The following ESRRB variants were observed in gnomAD, a reference collection of about 807,000 sequenced individuals.
The protein encoded by ESRRB is steroid hormone receptor ERR2.
A neutral mutation model predicts 46.0 loss-of-function variants in ESRRB; 16 were observed. The observed-to-expected ratio is 0.35, with a 90% CI of 0.24 to 0.53. ESRRB has a LOEUF of 0.53. Ranked by LOEUF, ESRRB falls within the 20% of genes least tolerant of loss-of-function variation. ESRRB has a pLI of 0.93. For synonymous variants in ESRRB, 246 were observed against 259.6 expected, an observed-to-expected ratio of 0.95 and a Z score of 0.50; for missense variants, 488 against 607.4, an observed-to-expected ratio of 0.80 and a Z score of 2.07.
chr14:76,343,285 T>C (rs1884212701), intron 1 of ESRRB, among the ~76,000 whole-genome samples: 1 of 152,202 alleles, frequency 6.6e-6, no homozygotes, highest in African/African-American at 2.4e-5. Context: ...ATTCTAGGTA[T>C]GGCATAAAGT....
intron 2 of ESRRB, among the ~76,000 whole-genome samples, chr14:76,458,451 C>G: frequency 6.9e-6 from 1 of 145,706 alleles, no homozygotes; most frequent in East Asian, 1.9e-4. Context: ...CACACACACA[C>G]ACACACACAC....
At chr14:76,447,171 C>T (rs897944486) in intron 2 of ESRRB, among the ~76,000 whole-genome samples, 2 of 152,088 alleles carry the variant, frequency 1.3e-5, no homozygotes, top group African/African-American at 4.8e-5. Context: ...AATCCTACCT[C>T]CTTCCCTCCT....
At chr14:76,359,621 C>T (rs1259241181) in intron 1 of ESRRB, among the ~76,000 whole-genome samples, 2 of 152,172 alleles carry the variant, frequency 1.3e-5, no homozygotes, top group Non-Finnish European at 2.9e-5. Context: ...CTTGCCCAGA[C>T]AGACCCCGAT....
chr14:76,430,526 G>A (rs1233702261), intron 1 of ESRRB, among the ~76,000 whole-genome samples: 1 of 152,176 alleles, frequency 6.6e-6, no homozygotes, highest in Admixed American at 6.5e-5. Flanking sequence ...CCTGCCCACT[G>A]CTGGACTTTC....
chr14:76,422,951 C>T (rs908224523), intron 1 of ESRRB, among the ~76,000 whole-genome samples: 24 of 152,134 alleles, frequency 1.6e-4, no homozygotes, highest in Non-Finnish European at 3.1e-4. Context: ...CCACTTCCCA[C>T]AGTTTCTTTA....
chr14:76,477,985 G>C (rs1190572424), intron 3 of ESRRB, among the ~76,000 whole-genome samples: 2 of 152,052 alleles, frequency 1.3e-5, no homozygotes, highest in Non-Finnish European at 2.9e-5. Context: ...ATATTTTTGT[G>C]GGTTAAGTAG....
chr14:76,351,652 T>C (rs1360996187), intron 1 of ESRRB, among the ~76,000 whole-genome samples: 1 of 152,184 alleles, frequency 6.6e-6, no homozygotes, highest in Non-Finnish European at 1.5e-5. Flanking sequence ...CAGCCATCAG[T>C]ATACCACCTT....
At chr14:76,404,421 C>A (rs1886083414) in intron 1 of ESRRB, 1 of 151,850 alleles carries the variant, frequency 6.6e-6, no homozygotes, top group African/African-American at 2.4e-5. Flanking sequence ...AGGTCAAGGA[C>A]TTCCTTTTCC....
chr14:76,414,619 T>G (rs905424978), intron 1 of ESRRB, among the ~76,000 whole-genome samples: 1 of 149,632 alleles, frequency 6.7e-6, no homozygotes, highest in Non-Finnish European at 1.5e-5. Context: ...TAATCAAATT[T>G]TACTTGATTA....
chr14:76,404,778 G>A (rs1886103562), intron 1 of ESRRB, among the ~76,000 whole-genome samples: 2 of 152,020 alleles, frequency 1.3e-5, no homozygotes, highest in African/African-American at 4.8e-5. Context: ...CTGTTTTTTT[G>A]GCCACTGAGG....
At chr14:76,385,522 G>A (rs117101324) in intron 1 of ESRRB, among the ~76,000 whole-genome samples, 3,508 of 152,282 alleles carry the variant, frequency 0.023, 50 homozygotes, top group Non-Finnish European at 0.035. Context: ...CACTGTCACC[G>A]AGTGTTTGGG....
In ESRRB at chr14:76,354,360, G is replaced by A. The variant is rs1884353145; in HGVS notation, c.2+43444G>A. 3.3e-5 allele frequency among the ~76,000 whole-genome samples: 5 copies of A among 151,902 alleles called. No individual in the cohort carries two copies. In the South Asian group the frequency reaches 1.0e-3, roughly 32 times the overall value. On this transcript the variant is annotated intron_variant, in intron 1 of 6. Transcript: ENST00000512784. ...TCTGTTCATATTTGCTCTCTCCACT[G>A]CCTAGTACGATGCCAGGGACATGGC...
intron 1 of ESRRB, among the ~76,000 whole-genome samples, chr14:76,436,863 GTCTCTGTCTTC>G (rs756238437): frequency 2.6e-5 from 4 of 152,130 alleles, no homozygotes; most frequent in Non-Finnish European, 5.9e-5. Context: ...AGACCCAGGA[GTCTCTGTCTTC>G]ACACACTGCA....
At chr14:76,329,524 C>T (rs963000824) in intron 1 of ESRRB, among the ~76,000 whole-genome samples, 4 of 152,192 alleles carry the variant, frequency 2.6e-5, no homozygotes, top group Admixed American at 2.6e-4. Flanking sequence ...AAATTAGCAT[C>T]CTTTAAAAGG....
At chr14:76,334,961 C>T (rs1884109107) in intron 1 of ESRRB, among the ~76,000 whole-genome samples, 1 of 152,178 alleles carries the variant, frequency 6.6e-6, no homozygotes, top group Non-Finnish European at 1.5e-5. Flanking sequence ...CGAGGTGACT[C>T]TTCATTCTCT....
At chr14:76,491,843 T>C in intron 6 of ESRRB, 127 bp downstream of exon 6, 20 of 1,136,232 alleles carry the variant, frequency 1.8e-5, no homozygotes, top group Non-Finnish European at 2.4e-5. Flanking sequence ...ACACTGAAAC[T>C]TTTTATTACT....
intron 1 of ESRRB, among the ~76,000 whole-genome samples, chr14:76,395,500 G>T (rs1205985691): frequency 1.3e-5 from 2 of 152,144 alleles, no homozygotes; most frequent in Non-Finnish European, 2.9e-5. Context: ...ATGTCAGACA[G>T]GTATGAATTC....
intron 1 of ESRRB, among the ~76,000 whole-genome samples, chr14:76,362,569 C>G (rs1204133412): frequency 6.6e-6 from 1 of 152,208 alleles, no homozygotes; most frequent in Non-Finnish European, 1.5e-5. Context: ...TAACTTTTAA[C>G]TATGGCCTCC....
rs377536301 is a variant in ESRRB, at chr14:76,482,122, G to A, written c.684G>A (p.Lys228=). The A allele has an allele frequency of 1.5e-5, 24 of 1,613,008 alleles. No homozygotes were observed. In the African/African-American group the frequency reaches 2.3e-4, roughly 15 times the overall value. ...LSLQISPPAK[K]PLTKIVSYLL... ...TACAAATTTCTCCACCTGCTAAAAA[G>A]CCATGTGAGTGTCAGGGCAGTCCCT... The change falls in exon 4 of 7, where the codon AAG becomes AAA. Residue 228 remains lysine (K), a synonymous_variant. Coordinates refer to ENST00000644823, the MANE Select transcript of ESRRB (RefSeq NM_001379180.1). The surrounding 1 kb of genome is among the most constrained non-coding windows in gnomAD (Gnocchi z 4.3).
Sources: allele counts gnomAD v4.1 joint callset (sites outside exome capture counted in the v4.1 genomes callset), GRCh38; gene constraint gnomAD v4.1.1; non-coding constraint Gnocchi (gnomAD v3.1); transcripts MANE v1.5; gene names NCBI Gene and HGNC (gene_info 2026-07-23, HGNC 2026-07-21).